TCAIM: variants seen among roughly 807,000 people sequenced by gnomAD.
The protein encoded by TCAIM is T cell activation inhibitor, mitochondrial.
TCAIM carries 36 observed loss-of-function variants against 58.6 expected under a neutral mutation model. The observed-to-expected ratio is 0.61, with a 90% CI of 0.47 to 0.81. The LOEUF is 0.81. Among genes scored for constraint, TCAIM ranks in the 30% least tolerant of loss-of-function variants. The pLI, the probability that TCAIM is intolerant of heterozygous loss-of-function variation, is 0.00. For synonymous variants in TCAIM, 172 were observed against 193.6 expected (o/e 0.89, Z 0.93); for missense variants, 466 against 579.6 (o/e 0.80, Z 2.01).
chr3:44,341,175 GA>G (rs746292161), intron 1 of TCAIM: 14 of 151,984 alleles, frequency 9.2e-5, no homozygotes, highest in Non-Finnish European at 1.9e-4. Flanking sequence ...AGAATTATTG[GA>G]AAAAGGAAAA....
intron 6 of TCAIM, among the ~76,000 whole-genome samples, chr3:44,394,148 A>G (rs1701884845): frequency 1.3e-5 from 2 of 152,244 alleles, no homozygotes; most frequent in Non-Finnish European, 1.5e-5. Context: ...CTTGGGTACC[A>G]TAAAAACACC....
At chr3:44,381,565 A>G (rs192926530) in intron 5 of TCAIM, among the ~76,000 whole-genome samples, 1 of 152,300 alleles carries the variant, frequency 6.6e-6, no homozygotes, top group East Asian at 1.9e-4. Context: ...TTCATGTAAC[A>G]TAAGGAAGTA....
At chr3:44,378,656 A>G (rs1701604792) in intron 5 of TCAIM, among the ~76,000 whole-genome samples, 5 of 151,712 alleles carry the variant, frequency 3.3e-5, no homozygotes. Flanking sequence ...CTAAAAATAC[A>G]AAAAATTAGC....
intron 5 of TCAIM, among the ~76,000 whole-genome samples, chr3:44,387,211 G>C (rs1049871986): frequency 6.6e-6 from 1 of 152,166 alleles, no homozygotes; most frequent in Non-Finnish European, 1.5e-5. Flanking sequence ...CTGGACACTC[G>C]TGGGGACAAC....
chr3:44,396,427 C>T lies in TCAIM; in HGVS notation c.723C>T (p.His241=). Residue 241 remains histidine (H), a synonymous_variant, in exon 7 of 11, where the codon CAC becomes CAT. Coordinates refer to ENST00000342649, the MANE Select transcript of TCAIM (RefSeq NM_173826.4). ...IRWQRSWGIA[H]RCSQLHSLSR... ...GGCAGAGGAGCTGGGGCATCGCCCA[C>T]CGCTGTAGCCAGCTGCATAGTTTAA... 6.2e-7 allele frequency: 1 copy of T among 1,613,682 alleles called. No individual in the cohort carries two copies. Among genetic ancestry groups the T allele is most frequent in the Non-Finnish European group, 8.5e-7 (1 of 1,179,898 alleles).
chr3:44,405,079 C>T (rs1006988553), intron 10 of TCAIM, among the ~76,000 whole-genome samples: 1 of 152,104 alleles, frequency 6.6e-6, no homozygotes, highest in Non-Finnish European at 1.5e-5. Flanking sequence ...GCCTGGCTGG[C>T]ATATAGACAG....
At chr3:44,369,712 T>C (rs561276631) in intron 5 of TCAIM, among the ~76,000 whole-genome samples, 5 of 152,370 alleles carry the variant, frequency 3.3e-5, no homozygotes, top group African/African-American at 1.2e-4. Flanking sequence ...GACTTTCTTA[T>C]ATTACATTCG....
At chr3:44,356,274 C>T (rs1009774029) in intron 2 of TCAIM, among the ~76,000 whole-genome samples, 1 of 152,208 alleles carries the variant, frequency 6.6e-6, no homozygotes, top group Non-Finnish European at 1.5e-5. Context: ...CGCCTGTAAT[C>T]CCAGCACTTT....
intron 1 of TCAIM, among the ~76,000 whole-genome samples, chr3:44,353,661 C>T (rs1279468744): frequency 6.6e-6 from 1 of 152,156 alleles, no homozygotes; most frequent in Non-Finnish European, 1.5e-5. Flanking sequence ...TTTTAATTTG[C>T]AGTTGTCTGA....
intron 3 of TCAIM, 60 bp from the exon 4 acceptor site, chr3:44,361,305 T>G: frequency 7.0e-7 from 1 of 1,419,716 alleles, no homozygotes; most frequent in Non-Finnish European, 9.6e-7. Context: ...TAGATAGATA[T>G]CATTTCTGAT....
chr3:44,380,452 A>G (rs1701638519), intron 5 of TCAIM, among the ~76,000 whole-genome samples: 1 of 152,164 alleles, frequency 6.6e-6, no homozygotes, highest in African/African-American at 2.4e-5. Flanking sequence ...GAAAACAAAA[A>G]CACAATGTAC....
intron 1 of TCAIM, among the ~76,000 whole-genome samples, chr3:44,345,554 C>T (rs1190047539): frequency 6.6e-6 from 1 of 151,912 alleles, no homozygotes; most frequent in African/African-American, 2.4e-5. Flanking sequence ...CAGTGACTAA[C>T]GAGTCCTCCA....
chr3:44,364,309 A>G (rs748006428), intron 4 of TCAIM, among the ~76,000 whole-genome samples: 5 of 152,308 alleles, frequency 3.3e-5, no homozygotes, highest in South Asian at 2.1e-4. Context: ...TATAGCATAT[A>G]TGACAAAAAG....
At chr3:44,390,640 A>G (rs1391855972) in intron 5 of TCAIM, among the ~76,000 whole-genome samples, 1 of 152,136 alleles carries the variant, frequency 6.6e-6, no homozygotes, top group Non-Finnish European at 1.5e-5. Context: ...TTGGAACAAT[A>G]CAGAGAAGAT....
At chr3:44,406,488 A>G (rs376102019) in intron 10 of TCAIM, among the ~76,000 whole-genome samples, 131,749 of 152,154 alleles carry the variant, frequency 0.87, 57,450 homozygotes, top group East Asian at 1. Flanking sequence ...AGCATATTCT[A>G]AGTAAGAATA....
At chr3:44,364,780 C>T (rs1045974117) in intron 4 of TCAIM, among the ~76,000 whole-genome samples, 4 of 151,614 alleles carry the variant, frequency 2.6e-5, no homozygotes, top group African/African-American at 7.3e-5. Context: ...CCTCAGTATT[C>T]GAACGCAAAC....
intron 6 of TCAIM, among the ~76,000 whole-genome samples, chr3:44,393,474 GTTAC>G (rs1027575353): frequency 2.6e-5 from 4 of 152,010 alleles, no homozygotes; most frequent in African/African-American, 9.7e-5. Context: ...TTATATATAT[GTTAC>G]TTCTTTCTTC....
In TCAIM at chr3:44,400,350, T is replaced by G; in HGVS notation, c.886-5T>G. On this transcript the variant is annotated splice_polypyrimidine_tract_variant and splice_region_variant and intron_variant, in intron 8 of 10. Coordinates refer to ENST00000342649, the MANE Select transcript of TCAIM (RefSeq NM_173826.4). The stretch of plus-strand genomic sequence containing the variant: ...ATTATTTCTTTCCCTTTGTTAACAC[T>G]GTAGCTTTTTGAAAGATTGCCAAGT... 6.2e-7 allele frequency: 1 copy of G among 1,609,428 alleles called. No individual in the cohort carries two copies. The highest frequency in any genetic ancestry group is 1.3e-5 in the African/African-American group (1 of 74,906).
chr3:44,367,462 G>A lies in TCAIM; in HGVS notation c.326G>A (p.Arg109Gln), dbSNP rs1391732597. 12 of 1,603,894 alleles carry A rather than the reference G, an allele frequency of 7.5e-6. No homozygotes were observed. The East Asian group carries it at 8.9e-5, about 12-fold the overall frequency. The part of the protein sequence containing the change: ...GQEPFSTSGF[R>Q]AVKFTLHTRD... Reference sequence around the variant, plus strand: ...GGGGAATTATATTCTCTAGGATTTCGAGCAGTCAAATTTACTTTGCACACC... The same window carrying A: ...GGGGAATTATATTCTCTAGGATTTCAAGCAGTCAAATTTACTTTGCACACC... The change falls in exon 5 of 11, where the codon CGA (arginine) becomes CAA (glutamine). Residue 109 changes from arginine to glutamine, a missense_variant. Physicochemically the swap from Arg to Gln is conservative, Grantham distance 43 (BLOSUM62 1). Coordinates refer to ENST00000342649, the MANE Select transcript of TCAIM (RefSeq NM_173826.4).
Sources: allele counts gnomAD v4.1 joint callset (sites outside exome capture counted in the v4.1 genomes callset), GRCh38; gene constraint gnomAD v4.1.1; transcripts MANE v1.5; gene names NCBI Gene and HGNC (gene_info 2026-07-23, HGNC 2026-07-21).